REV1: variants seen among roughly 807,000 people sequenced by gnomAD.
REV1 encodes REV1 DNA directed polymerase, also known as translesion synthesis protein REV1.
A neutral mutation model predicts 137.4 loss-of-function variants in REV1; 42 were observed. The ratio of observed to expected loss-of-function variants is 0.31; its 90% CI spans 0.24 to 0.40. REV1 has a LOEUF of 0.40. REV1 is among the 10% of genes least tolerant of loss of function. The pLI is 1.00. For synonymous variants in REV1, 524 were observed against 519.2 expected, an observed-to-expected ratio of 1.01 and a Z score of -0.12; for missense variants, 1,282 against 1,490.1, an observed-to-expected ratio of 0.86 and a Z score of 2.30.
At chr2:99,403,658 GTCT>G in intron 19 of REV1, 34 bp downstream of exon 19, 1 of 1,613,780 alleles carries the variant, frequency 6.2e-7, no homozygotes, top group Non-Finnish European at 8.5e-7. Context: ...ATTACTCTTT[GTCT>G]TCATTTTTGT....
chr2:99,405,183 C>CT (rs2104376119), intron 17 of REV1: 1 of 161,006 alleles, frequency 6.2e-6, no homozygotes, highest in East Asian at 1.9e-4. Flanking sequence ...TGAATTTTCT[C>CT]TAACTTACAG....
At chr2:99,458,000 T>A (rs1683728261) in intron 3 of REV1, among the ~76,000 whole-genome samples, 1 of 152,054 alleles carries the variant, frequency 6.6e-6, no homozygotes, top group Non-Finnish European at 1.5e-5. Flanking sequence ...CATAAAACTA[T>A]AAAATCTAAA....
At chr2:99,444,437 G>A (rs1681928455) in intron 4 of REV1, among the ~76,000 whole-genome samples, 1 of 152,212 alleles carries the variant, frequency 6.6e-6, no homozygotes, top group African/African-American at 2.4e-5. Context: ...AGACTCTACA[G>A]GTACTCTCTA....
chr2:99,410,992 T>G (rs1362809926), intron 13 of REV1, 125 bp from the exon 14 acceptor site: 6 of 907,786 alleles, frequency 6.6e-6, no homozygotes, highest in Non-Finnish European at 9.4e-6. Flanking sequence ...CAGCATCTAT[T>G]AAAAAGAAAC....
At chr2:99,410,382 A>T (rs898069695) in intron 14 of REV1, among the ~76,000 whole-genome samples, 1 of 152,190 alleles carries the variant, frequency 6.6e-6, no homozygotes, top group Non-Finnish European at 1.5e-5. Context: ...CCGAAACTAT[A>T]GCAGTCCCTT....
intron 13 of REV1, 113 bp downstream of exon 13, chr2:99,412,618 C>T (rs1471065374): frequency 2.5e-6 from 2 of 804,342 alleles, no homozygotes; most frequent in African/African-American, 1.7e-5. Flanking sequence ...GGGGATACAA[C>T]AGTTTTAAGA....
chr2:99,468,237 A>G (rs1218435161), intron 1 of REV1, among the ~76,000 whole-genome samples: 1 of 152,096 alleles, frequency 6.6e-6, no homozygotes, highest in Non-Finnish European at 1.5e-5. Flanking sequence ...TGTTTCTGCT[A>G]ATCAGCAGGG....
Position 99,406,113 on chromosome 2 carries a change from A to G in REV1, c.2615-7T>C. 1 of 1,605,472 alleles carries G rather than the reference A, an allele frequency of 6.2e-7. No individual in the cohort carries two copies. The highest frequency in any genetic ancestry group is 8.5e-7 in the Non-Finnish European group (1 of 1,175,718). ...TCCACAGCAGCCCGAAATACTACAA[A>G]AAGAAAATATATAAAATAGCCTCTT... On this transcript the variant is annotated splice_region_variant and splice_polypyrimidine_tract_variant and intron_variant, in intron 16 of 22. Coordinates refer to ENST00000258428, the MANE Select transcript of REV1 (RefSeq NM_016316.4).
chr2:99,418,487 C>T (rs1163722762), intron 12 of REV1, among the ~76,000 whole-genome samples: 2 of 152,128 alleles, frequency 1.3e-5, no homozygotes, highest in Non-Finnish European at 2.9e-5. Flanking sequence ...TTATCTTTAG[C>T]CCAGGAGTAA....
At chr2:99,404,419 C>T (rs1574968183) in intron 18 of REV1, 25 bp downstream of exon 18, 1 of 1,585,340 alleles carries the variant, frequency 6.3e-7, no homozygotes, top group South Asian at 1.1e-5. Context: ...GAAACTACAG[C>T]AGAGGGTTCC....
At chr2:99,403,571 C>T in intron 19 of REV1, 124 bp downstream of exon 19, 1 of 1,179,830 alleles carries the variant, frequency 8.5e-7, no homozygotes, top group Non-Finnish European at 1.2e-6. Flanking sequence ...AGATATTATC[C>T]CAATATGAAG....
At chr2:99,462,698 A>T (rs2105120213) in intron 2 of REV1, 76 bp from the exon 3 acceptor site, 1 of 1,401,582 alleles carries the variant, frequency 7.1e-7, no homozygotes, top group Non-Finnish European at 9.8e-7. Context: ...AAAAATTTTA[A>T]AAACTAAATA....
At chr2:99,479,707 G>C (rs1206650698) in intron 1 of REV1, among the ~76,000 whole-genome samples, 1 of 152,062 alleles carries the variant, frequency 6.6e-6, no homozygotes, top group South Asian at 2.1e-4. Flanking sequence ...AGGATCGCTT[G>C]AGCCTGGAAG....
intron 1 of REV1, among the ~76,000 whole-genome samples, chr2:99,472,262 A>G (rs994693088): frequency 2.6e-5 from 4 of 152,236 alleles, no homozygotes; most frequent in African/African-American, 9.6e-5. Context: ...TACAACTTGC[A>G]TGAACCTTGA....
Position 99,401,162 on chromosome 2 carries a change from T to C in REV1, c.*79A>G. The C allele has an allele frequency of 1.3e-6, 1 of 768,940 alleles. No individual in the cohort carries two copies. The highest frequency in any genetic ancestry group is 2.2e-6 in the Non-Finnish European group (1 of 462,738). 47.6% of individuals were successfully genotyped at this position (768,940 alleles called of 1,614,324 possible). Reference sequence around the variant, plus strand: ...TTTAAAATTATAAAAACTCCGAGCATTACTATCATGCACTTTGCAAATACC... The same window carrying C: ...TTTAAAATTATAAAAACTCCGAGCACTACTATCATGCACTTTGCAAATACC... On this transcript the variant is annotated 3_prime_UTR_variant, in exon 23 of 23. Coordinates refer to ENST00000258428, the MANE Select transcript of REV1 (RefSeq NM_016316.4).
At chr2:99,424,131 T>C (rs1457080724) in intron 10 of REV1, 21 bp downstream of exon 10, 7 of 1,606,692 alleles carry the variant, frequency 4.4e-6, no homozygotes, top group African/African-American at 1.3e-5. Context: ...AGACACAAAA[T>C]GACAGTTTGA....
intron 3 of REV1, among the ~76,000 whole-genome samples, chr2:99,456,034 A>G (rs1347066879): frequency 6.6e-6 from 1 of 152,176 alleles, no homozygotes; most frequent in Non-Finnish European, 1.5e-5. Flanking sequence ...AAGTGCAACC[A>G]CTGTCCACTA....
chr2:99,486,637 C>A (rs1332696748), intron 1 of REV1, among the ~76,000 whole-genome samples: 2 of 152,166 alleles, frequency 1.3e-5, no homozygotes, highest in African/African-American at 4.8e-5. Context: ...TACAGATGAG[C>A]AGAACTGAGG....
intron 3 of REV1, among the ~76,000 whole-genome samples, chr2:99,453,126 C>T (rs893071117): frequency 1.3e-5 from 2 of 151,996 alleles, no homozygotes; most frequent in Non-Finnish European, 2.9e-5. Context: ...TCTGGGAGGC[C>T]AAGGGGGAGG....
Sources: gnomAD v4.1 joint callset for allele counts (sites outside exome capture counted in the v4.1 genomes callset) on GRCh38, gnomAD v4.1.1 for gene constraint, MANE v1.5 for transcripts, NCBI Gene and HGNC (gene_info 2026-07-23, HGNC 2026-07-21) for gene names.